Variants in LARP1 observed in about 807,000 individuals in gnomAD.
The protein encoded by LARP1 is la-related protein 1.
Under a neutral mutation model 122.7 loss-of-function variants are expected in LARP1, and 36 were observed. That is an observed-to-expected ratio of 0.29 (90% CI 0.22 to 0.39). LARP1 has a LOEUF of 0.39. Among genes scored for constraint, LARP1 ranks in the 10% least tolerant of loss-of-function variants. The probability of loss-of-function intolerance (pLI) is 1.00; values close to 1 mark genes in which losing one functional copy is unlikely to be tolerated. For missense variants in LARP1, 1,040 were observed against 1,403.6 expected, an observed-to-expected ratio of 0.74 and a Z score of 4.14; for synonymous variants, 539 against 528.7, an observed-to-expected ratio of 1.02 and a Z score of -0.27.
intron 1 of LARP1, among the ~76,000 whole-genome samples, chr5:154,787,142 G>C (rs1756954525): frequency 6.6e-6 from 1 of 152,208 alleles, no homozygotes; most frequent in African/African-American, 2.4e-5. Context: ...GCCTCCCAAA[G>C]TGCTGGGATT....
At chr5:154,778,841 A>T (rs1404389645) in intron 1 of LARP1, among the ~76,000 whole-genome samples, 1 of 152,238 alleles carries the variant, frequency 6.6e-6, no homozygotes, top group Non-Finnish European at 1.5e-5. Flanking sequence ...GTTCTAACAA[A>T]CTAAAAATAC....
intron 1 of LARP1, among the ~76,000 whole-genome samples, chr5:154,728,965 A>G (rs1264415527): frequency 6.6e-6 from 1 of 152,168 alleles, no homozygotes; most frequent in East Asian, 1.9e-4. Context: ...TGCCAGGGAA[A>G]GTTGTTCATA....
upstream of LARP1, among the ~76,000 whole-genome samples, chr5:154,710,049 C>G (rs1042893659): frequency 9.2e-5 from 14 of 152,106 alleles, no homozygotes; most frequent in Non-Finnish European, 1.9e-4. Context: ...TCTAATGCTG[C>G]CGTTGATCTG....
At chr5:154,797,218 G>GTTTTTTTTTTTTTTTTTTTTTTTTTT in intron 8 of LARP1, among the ~76,000 whole-genome samples, 1 of 66,204 alleles carries the variant, frequency 1.5e-5, no homozygotes, top group African/African-American at 5.9e-5. Context: ...TTTTGTTGTT[G>GTTTTTTTTTTTTTTTTTTTTTTTTTT]TTGTTTTTTT....
At chr5:154,744,315 A>G (rs1446907397) in intron 1 of LARP1, among the ~76,000 whole-genome samples, 2 of 152,084 alleles carry the variant, frequency 1.3e-5, no homozygotes, top group Non-Finnish European at 2.9e-5. Flanking sequence ...ACTCTCACCT[A>G]TGACACTCTC....
At chr5:154,736,068 C>T (rs529989540) in intron 1 of LARP1, among the ~76,000 whole-genome samples, 9 of 149,754 alleles carry the variant, frequency 6.0e-5, no homozygotes, top group South Asian at 2.1e-4. Context: ...TACAGGTGTT[C>T]GCCACCATAC....
At chr5:154,710,753 A>G (rs2113289439), upstream of LARP1, among the ~76,000 whole-genome samples, 1 of 151,848 alleles carries the variant, frequency 6.6e-6, no homozygotes, top group Admixed American at 6.6e-5. Context: ...AAAAAAAAAA[A>G]AAAAAAAAAA....
chr5:154,783,856 GTCTT>G (rs1756659365), intron 1 of LARP1, among the ~76,000 whole-genome samples: 1 of 152,216 alleles, frequency 6.6e-6, no homozygotes, highest in Non-Finnish European at 1.5e-5. Context: ...GTTGAGATCT[GTCTT>G]TCTGTTCTCA....
intron 1 of LARP1, among the ~76,000 whole-genome samples, chr5:154,762,069 C>T (rs932843842): frequency 6.6e-6 from 1 of 152,070 alleles, no homozygotes; most frequent in East Asian, 1.9e-4. Flanking sequence ...AGTGAAACCT[C>T]GTCTCTACTA....
chr5:154,788,701 G>T (rs1757081412), intron 1 of LARP1, among the ~76,000 whole-genome samples: 1 of 151,742 alleles, frequency 6.6e-6, no homozygotes, highest in Non-Finnish European at 1.5e-5. Flanking sequence ...GGGAAAAGAA[G>T]TGTGGATGTA....
intron 1 of LARP1, among the ~76,000 whole-genome samples, 189 bp from the exon 2 acceptor site, chr5:154,790,136 C>A (rs990350995): frequency 1.3e-5 from 2 of 152,180 alleles, no homozygotes; most frequent in Admixed American, 1.3e-4. Context: ...TCTGTGACTT[C>A]TTCAGGAGTG....
intron 1 of LARP1, among the ~76,000 whole-genome samples, chr5:154,690,924 G>A (rs1754169185): frequency 6.6e-6 from 1 of 152,218 alleles, no homozygotes; most frequent in African/African-American, 2.4e-5. Context: ...CTCAGCCACA[G>A]TATATTGATT....
chr5:154,804,397 G>GA (rs3216148), intron 14 of LARP1, 90 bp downstream of exon 14: 1 of 948,340 alleles, frequency 1.1e-6, no homozygotes, highest in Admixed American at 2.0e-5. Context: ...AGATTGGTCT[G>GA]AAAATTAAAG....
At chr5:154,804,943 G>C (rs816719) in intron 14 of LARP1, 61,914 of 455,914 alleles carry the variant, frequency 0.14, 5,633 homozygotes, top group African/African-American at 0.33. Context: ...GGGGTGCCCA[G>C]CTGCACACAG....
upstream of LARP1, among the ~76,000 whole-genome samples, chr5:154,708,734 C>T (rs533445948): frequency 6.6e-6 from 1 of 152,204 alleles, no homozygotes; most frequent in East Asian, 1.9e-4. Flanking sequence ...GCCTCAGCCT[C>T]CTGAGTAGCT....
chr5:154,721,326 A>G (rs3893695), intron 1 of LARP1, among the ~76,000 whole-genome samples: 113,683 of 149,386 alleles, frequency 0.76, 43,794 homozygotes, highest in African/African-American at 0.89. Flanking sequence ...CAGCCTGGGC[A>G]ACAGAGCGAG....
chr5:154,782,024 A>G (rs1016883762), intron 1 of LARP1, among the ~76,000 whole-genome samples: 2 of 152,190 alleles, frequency 1.3e-5, no homozygotes, highest in Non-Finnish European at 2.9e-5. Flanking sequence ...TACATTGGGC[A>G]GTCAGGAAGC....
intron 1 of LARP1, among the ~76,000 whole-genome samples, chr5:154,698,035 T>C (rs773668635): frequency 7.9e-5 from 12 of 152,116 alleles, no homozygotes; most frequent in Non-Finnish European, 1.6e-4. Context: ...GGTTTTTTTT[T>C]TTAAATTACA....
At chr5:154,792,008 A>T in intron 3 of LARP1, 1 of 455,668 alleles carries the variant, frequency 2.2e-6, no homozygotes, top group Non-Finnish European at 4.4e-6. Flanking sequence ...GGGGATTGGA[A>T]GTCAGGTGTG....
Sources: allele counts gnomAD v4.1 joint callset (sites outside exome capture counted in the v4.1 genomes callset), GRCh38; gene constraint gnomAD v4.1.1; transcripts MANE v1.5; gene names NCBI Gene and HGNC (gene_info 2026-07-23, HGNC 2026-07-21).